The following MYO3B variants were observed in gnomAD, a reference collection of about 807,000 sequenced individuals.
MYO3B encodes myosin IIIB, also known as myosin-IIIb.
MYO3B carries 156 observed loss-of-function variants against 174.6 expected under a neutral mutation model. That is an observed-to-expected ratio of 0.89 (90% CI 0.78 to 1.02). The LOEUF is 1.02. MYO3B is among the 50% of genes least tolerant of loss of function. MYO3B has a pLI of 0.00. For missense variants in MYO3B, 1,632 were observed against 1,639.4 expected (o/e 1.00, Z 0.08); for synonymous variants, 563 against 569.1 (o/e 0.99, Z 0.15).
At chr2:170,369,157 A>G (rs561634916) in intron 8 of MYO3B, 65 bp from the exon 9 acceptor site, 8 of 1,451,790 alleles carry the variant, frequency 5.5e-6, no homozygotes, top group African/African-American at 1.4e-5. Context: ...TCCATCTCCC[A>G]TATTCATAGG....
chr2:170,473,853 G>A (rs9287939), intron 25 of MYO3B, among the ~76,000 whole-genome samples: 91,156 of 151,838 alleles, frequency 0.6, 27,477 homozygotes, highest in South Asian at 0.66. Context: ...CTCTCAGCTC[G>A]TACTCCAGAA....
intron 7 of MYO3B, among the ~76,000 whole-genome samples, chr2:170,312,990 C>A (rs576294389): frequency 1.3e-5 from 2 of 152,220 alleles, no homozygotes. Context: ...TTTTCTTAAC[C>A]ATTATGGAAT....
At chr2:170,274,899 T>C (rs555894274) in intron 7 of MYO3B, among the ~76,000 whole-genome samples, 6 of 152,344 alleles carry the variant, frequency 3.9e-5, no homozygotes, top group Non-Finnish European at 8.8e-5. Context: ...CCCAATTCTT[T>C]TTCTTTTTTC....
At chr2:170,501,015 C>T (rs1687233179) in intron 27 of MYO3B, among the ~76,000 whole-genome samples, 1 of 152,164 alleles carries the variant, frequency 6.6e-6, no homozygotes, top group Non-Finnish European at 1.5e-5. Context: ...CCAGAATCCT[C>T]ATGTGGCTCA....
chr2:170,214,282 A>C, intron 3 of MYO3B, 97 bp from the exon 4 acceptor site: 1 of 901,878 alleles, frequency 1.1e-6, no homozygotes, highest in Non-Finnish European at 1.7e-6. Flanking sequence ...AATTTACTAC[A>C]TTGAATCAGT....
intron 32 of MYO3B, among the ~76,000 whole-genome samples, chr2:170,630,261 AC>A (rs1199598837): frequency 1.3e-5 from 2 of 152,180 alleles, no homozygotes; most frequent in African/African-American, 4.8e-5. Flanking sequence ...TATATCCTGC[AC>A]TTGGCGCAGT....
At chr2:170,441,355 G>A (rs1344472241) in intron 22 of MYO3B, among the ~76,000 whole-genome samples, 6 of 152,174 alleles carry the variant, frequency 3.9e-5, no homozygotes, top group East Asian at 3.9e-4. Context: ...GTTTTTGATC[G>A]TGTGGAAAAA....
intron 25 of MYO3B, among the ~76,000 whole-genome samples, chr2:170,478,962 G>A (rs1447171909): frequency 2.0e-5 from 3 of 148,058 alleles, no homozygotes; most frequent in East Asian, 3.9e-4. Flanking sequence ...TATTATATAT[G>A]TATATATATT....
chr2:170,213,847 T>C (rs1196075367), intron 3 of MYO3B, among the ~76,000 whole-genome samples: 1 of 152,258 alleles, frequency 6.6e-6, no homozygotes, highest in East Asian at 1.9e-4. Context: ...TTATCTGCAA[T>C]GGCAGTTCTA....
At chr2:170,305,225 A>T (rs1033604777) in intron 7 of MYO3B, among the ~76,000 whole-genome samples, 1 of 152,130 alleles carries the variant, frequency 6.6e-6, no homozygotes, top group Non-Finnish European at 1.5e-5. Context: ...AGGATAGTTC[A>T]TCCTTTCCTA....
intron 1 of MYO3B, among the ~76,000 whole-genome samples, chr2:170,197,244 T>C (rs1574560979): frequency 6.6e-6 from 1 of 152,206 alleles, no homozygotes; most frequent in Non-Finnish European, 1.5e-5. Flanking sequence ...TCAAGGAGAT[T>C]GATTTGAGTA....
At chr2:170,305,431 G>T (rs1387646236) in intron 7 of MYO3B, among the ~76,000 whole-genome samples, 2 of 152,130 alleles carry the variant, frequency 1.3e-5, no homozygotes. Flanking sequence ...TATTCCTCCA[G>T]AGGCTTTTCA....
intron 8 of MYO3B, among the ~76,000 whole-genome samples, chr2:170,342,623 G>A (rs918810245): frequency 6.6e-6 from 1 of 152,084 alleles, no homozygotes; most frequent in Admixed American, 6.6e-5. Flanking sequence ...ATTACATAAT[G>A]TATATGTAGC....
chr2:170,336,646 G>A (rs1365342176), intron 8 of MYO3B, among the ~76,000 whole-genome samples: 2 of 152,050 alleles, frequency 1.3e-5, no homozygotes, highest in Admixed American at 1.3e-4. Context: ...CATGTGTTTG[G>A]CAGCAGATAT....
At chr2:170,355,113 CT>C (rs1216315776) in intron 8 of MYO3B, among the ~76,000 whole-genome samples, 4 of 152,074 alleles carry the variant, frequency 2.6e-5, no homozygotes, top group Non-Finnish European at 5.9e-5. Context: ...TCCTTTGAAG[CT>C]TTTTTGCTAA....
rs56221872 is a variant in MYO3B at position 170,343,030 on chromosome 2, AACACACACACACACAC to A, written c.815+7613_815+7628del. ...ACTTACTTCCACAGTTCGGGCCTCT[AACACACACACACACAC>A]ACACACACACACACACACACACACA... On this transcript the variant is annotated intron_variant, in intron 8 of 34. Coordinates refer to ENST00000408978, the MANE Select transcript of MYO3B (RefSeq NM_138995.5). Among the ~76,000 whole-genome samples, 115 of 136,012 alleles carry A rather than the reference AACACACACACACACAC, an allele frequency of 8.5e-4. 3 individuals are homozygous for A. The East Asian group carries it at 0.012, about 14-fold the overall frequency. 89.2% of individuals were successfully genotyped at this position (136,012 alleles called of 152,430 possible). A position where few individuals can be genotyped will look rare whatever the true frequency, so the allele number is the denominator to read the frequency against.
At chr2:170,313,459 G>T (rs2093753255) in intron 7 of MYO3B, among the ~76,000 whole-genome samples, 1 of 152,180 alleles carries the variant, frequency 6.6e-6, no homozygotes. Context: ...AAAACCTACA[G>T]CTGAGCCCAT....
intron 7 of MYO3B, among the ~76,000 whole-genome samples, chr2:170,295,204 G>A (rs893974308): frequency 6.6e-6 from 1 of 151,088 alleles, no homozygotes; most frequent in African/African-American, 2.4e-5. Context: ...CATGTATTTG[G>A]ATTTAAAAAA....
At chr2:170,632,204 T>C (rs987443622) in intron 32 of MYO3B, among the ~76,000 whole-genome samples, 2 of 152,190 alleles carry the variant, frequency 1.3e-5, no homozygotes, top group African/African-American at 2.4e-5. Flanking sequence ...CACATCGCAC[T>C]TGTTCCAAAA....
Sources: gnomAD v4.1 joint callset for allele counts (sites outside exome capture counted in the v4.1 genomes callset) on GRCh38, gnomAD v4.1.1 for gene constraint, MANE v1.5 for transcripts, NCBI Gene and HGNC (gene_info 2026-07-23, HGNC 2026-07-21) for gene names.